EPS15: variants seen among roughly 807,000 people sequenced by gnomAD.
EPS15 encodes the protein epidermal growth factor receptor substrate 15.
EPS15 carries 72 observed loss-of-function variants against 113.8 expected under a neutral mutation model. That is an observed-to-expected ratio of 0.63 (90% CI 0.52 to 0.77). The LOEUF (loss-of-function observed/expected upper bound fraction) is 0.77. Ranked by LOEUF, EPS15 falls within the 30% of genes least tolerant of loss-of-function variation. The pLI is 0.00. For missense variants in EPS15, 1,048 were observed against 1,045.8 expected (o/e 1.00, Z -0.03); for synonymous variants, 344 against 363.4 (o/e 0.95, Z 0.61).
At chr1:51,493,186 C>T (rs1246604633) in intron 1 of EPS15, among the ~76,000 whole-genome samples, 2 of 152,326 alleles carry the variant, frequency 1.3e-5, no homozygotes, top group East Asian at 3.9e-4. Flanking sequence ...ATGGTGAAAC[C>T]CCATCTCTAC....
At chr1:51,435,826 G>T (rs1225292882) in intron 12 of EPS15, among the ~76,000 whole-genome samples, 2 of 152,160 alleles carry the variant, frequency 1.3e-5, no homozygotes, top group African/African-American at 2.4e-5. Flanking sequence ...GCCTCTGGAA[G>T]AAGAGGAAAG....
In EPS15 at chr1:51,509,502, A is replaced by G. The variant is rs114237849; in HGVS notation, c.33+9697T>C. 4.8e-3 allele frequency among the ~76,000 whole-genome samples: 728 copies of G among 152,330 alleles called. 9 individuals carry two copies. Among genetic ancestry groups the G allele is most frequent in the African/African-American group, 0.017 (710 of 41,590 alleles). On this transcript the variant is annotated intron_variant, in intron 1 of 24. Transcript: ENST00000371733. ...GTTCATCTGAGGATCAGAAATCATT[A>G]CAGCTAATGGTTCCAGGTTTTAGTC...
intron 12 of EPS15, among the ~76,000 whole-genome samples, chr1:51,427,862 T>C (rs189314249): frequency 3.5e-4 from 53 of 152,240 alleles, no homozygotes; most frequent in African/African-American, 1.2e-3. Flanking sequence ...TTTGATAAAA[T>C]ATCTGCATCT....
intron 18 of EPS15, among the ~76,000 whole-genome samples, chr1:51,401,740 C>T (rs1284532925): frequency 6.6e-6 from 1 of 152,238 alleles, no homozygotes; most frequent in African/African-American, 2.4e-5. Context: ...CAGTGGCTCA[C>T]ACCTGTAATC....
intron 1 of EPS15, among the ~76,000 whole-genome samples, chr1:51,507,531 C>T (rs1644517957): frequency 6.6e-6 from 1 of 151,766 alleles, no homozygotes; most frequent in Non-Finnish European, 1.5e-5. Context: ...TATGGTGGCA[C>T]ACACCTGTAA....
At chr1:51,378,909 G>GA (rs1229003551) in intron 21 of EPS15, among the ~76,000 whole-genome samples, 1 of 152,162 alleles carries the variant, frequency 6.6e-6, no homozygotes, top group South Asian at 2.1e-4. Flanking sequence ...GAAAGAGGCA[G>GA]AGAGCTTATT....
chr1:51,501,004 A>C (rs1427442495), intron 1 of EPS15, among the ~76,000 whole-genome samples: 1 of 152,064 alleles, frequency 6.6e-6, no homozygotes, highest in African/African-American at 2.4e-5. Context: ...AAATAAAGAA[A>C]GAAAATTGAC....
At chr1:51,402,578 G>A in intron 17 of EPS15, 53 bp from the exon 18 acceptor site, 1 of 958,220 alleles carries the variant, frequency 1.0e-6, no homozygotes, top group Non-Finnish European at 1.6e-6. Flanking sequence ...GTTTTAAAAG[G>A]TAACATTTTA....
At chr1:51,359,343 C>T (rs1261508110) in intron 24 of EPS15, among the ~76,000 whole-genome samples, 1 of 149,118 alleles carries the variant, frequency 6.7e-6, no homozygotes, top group Non-Finnish European at 1.5e-5. Context: ...ACTTGGGAGG[C>T]TGAGGCAGGA....
chr1:51,372,039 G>A (rs1366826089), intron 21 of EPS15, among the ~76,000 whole-genome samples: 1 of 152,240 alleles, frequency 6.6e-6, no homozygotes, highest in African/African-American at 2.4e-5. Context: ...TGTGTAGTAA[G>A]CTACACCATC....
At chr1:51,485,649 A>C (rs1371998516) in intron 1 of EPS15, among the ~76,000 whole-genome samples, 1 of 152,226 alleles carries the variant, frequency 6.6e-6, no homozygotes, top group East Asian at 1.9e-4. Flanking sequence ...AGCAAATACC[A>C]ATTATTATCA....
intron 1 of EPS15, among the ~76,000 whole-genome samples, chr1:51,493,018 G>A (rs897056553): frequency 1.1e-4 from 16 of 152,120 alleles, no homozygotes; most frequent in African/African-American, 3.6e-4. Flanking sequence ...ACAAGATCAG[G>A]AGTTCGAGAC....
At chr1:51,508,338 G>GAGATAGAAAGAA (rs1553139582) in intron 1 of EPS15, among the ~76,000 whole-genome samples, 1 of 122,248 alleles carries the variant, frequency 8.2e-6, no homozygotes, top group Non-Finnish European at 1.7e-5. Context: ...AAGAGAAAGA[G>GAGATAGAAAGAA]AGAAAGAAAG....
At chr1:51,414,615 T>G (rs17106554) in intron 13 of EPS15, among the ~76,000 whole-genome samples, 2 of 152,118 alleles carry the variant, frequency 1.3e-5, no homozygotes, top group Non-Finnish European at 2.9e-5. Flanking sequence ...TCTATCCCCA[T>G]TAGTAAATAC....
chr1:51,455,632 C>T (rs1040550341), intron 8 of EPS15, among the ~76,000 whole-genome samples: 2 of 151,880 alleles, frequency 1.3e-5, no homozygotes, highest in Admixed American at 6.6e-5. Flanking sequence ...TACAAAATGT[C>T]GCCTTAATGC....
intron 1 of EPS15, among the ~76,000 whole-genome samples, chr1:51,514,309 C>T (rs1644676241): frequency 6.6e-6 from 1 of 152,154 alleles, no homozygotes; most frequent in Non-Finnish European, 1.5e-5. Flanking sequence ...TACCAGTTCT[C>T]CAACTAACCA....
At chr1:51,398,282 T>C (rs1013301513) in intron 20 of EPS15, among the ~76,000 whole-genome samples, 1 of 152,136 alleles carries the variant, frequency 6.6e-6, no homozygotes, top group African/African-American at 2.4e-5. Flanking sequence ...CTCGATCTCC[T>C]GACCTCGTGA....
intron 21 of EPS15, among the ~76,000 whole-genome samples, chr1:51,387,887 C>G (rs1247808209): frequency 6.6e-6 from 1 of 152,182 alleles, no homozygotes; most frequent in Admixed American, 6.5e-5. Flanking sequence ...TTTAACACCC[C>G]ACTGTTAACA....
At chr1:51,425,682 T>C (rs182839897) in intron 12 of EPS15, among the ~76,000 whole-genome samples, 1 of 152,350 alleles carries the variant, frequency 6.6e-6, no homozygotes, top group Non-Finnish European at 1.5e-5. Context: ...GAGAAAAATC[T>C]AGCTCTTCTG....
Sources: allele counts gnomAD v4.1 joint callset (sites outside exome capture counted in the v4.1 genomes callset), GRCh38; gene constraint gnomAD v4.1.1; transcripts MANE v1.5; gene names NCBI Gene and HGNC (gene_info 2026-07-23, HGNC 2026-07-21).